RBMS3: variants seen among roughly 807,000 people sequenced by gnomAD.
The protein encoded by RBMS3 is RNA binding motif single stranded interacting protein 3, also known as RNA-binding motif, single-stranded-interacting protein 3.
Under a neutral mutation model 66.8 loss-of-function variants are expected in RBMS3, and 27 were observed. The observed-to-expected ratio is 0.40, with a 90% CI of 0.30 to 0.56. The LOEUF (loss-of-function observed/expected upper bound fraction) is 0.56. RBMS3 is among the 20% of genes least tolerant of loss of function. RBMS3 has a pLI of 0.40. For synonymous variants in RBMS3, 188 were observed against 183.0 expected (o/e 1.03, Z -0.22); for missense variants, 513 against 549.5 (o/e 0.93, Z 0.66).
chr3:29,722,209 A>AT (rs796728795), intron 4 of RBMS3, among the ~76,000 whole-genome samples: 18 of 152,072 alleles, frequency 1.2e-4, no homozygotes, highest in African/African-American at 4.1e-4. Flanking sequence ...TTTTCATGTT[A>AT]TTTTTTTGTA....
chr3:29,663,709 C>T (rs757624501), intron 4 of RBMS3, among the ~76,000 whole-genome samples: 6 of 152,122 alleles, frequency 3.9e-5, no homozygotes, highest in Non-Finnish European at 8.8e-5. Context: ...CACTGGGAGG[C>T]TCCTCGCAAT....
rs2125408961 is a variant in RBMS3 at position 30,005,322 on chromosome 3, C to G, written c.*1460C>G. Reference sequence around the variant, plus strand: ...GAAGAGTTCTGGATATGAACTGATTCATAGAGCCAAGTGGCTTTAAATTCT... The same window carrying G: ...GAAGAGTTCTGGATATGAACTGATTGATAGAGCCAAGTGGCTTTAAATTCT... On this transcript the variant is annotated 3_prime_UTR_variant, in exon 15 of 15. Transcript: ENST00000383767. 1 of 151,842 alleles carries G rather than the reference C, an allele frequency of 6.6e-6. No homozygotes were observed. Among genetic ancestry groups the G allele is most frequent in the African/African-American group, 2.4e-5 (1 of 41,474 alleles). The allele number at this position is 151,842 out of a possible 1,614,324, so 9.4% of individuals were successfully genotyped here.
At chr3:29,607,682 T>C (rs1251961718) in intron 4 of RBMS3, among the ~76,000 whole-genome samples, 8 of 151,902 alleles carry the variant, frequency 5.3e-5, no homozygotes, top group Admixed American at 5.3e-4. Context: ...AGAAAGAAAA[T>C]TTAAACATTT....
chr3:29,576,532 G>A (rs2047126982), intron 3 of RBMS3, among the ~76,000 whole-genome samples: 1 of 152,114 alleles, frequency 6.6e-6, no homozygotes, highest in Admixed American at 6.5e-5. Context: ...ATTTACAGGT[G>A]GAAAATCCAG....
intron 1 of RBMS3, among the ~76,000 whole-genome samples, chr3:29,282,476 G>T (rs1380231297): frequency 2.0e-5 from 3 of 151,954 alleles, no homozygotes; most frequent in Non-Finnish European, 4.4e-5. Flanking sequence ...AATACTTTAG[G>T]CTTTATGTGT....
At position 29,360,670 on chromosome 3, in the gene RBMS3, G is replaced by T. The variant is rs201692877; in HGVS notation, c.76-74073G>T. ...AGTGTTAAAGTCTGCCATTATTATT[G>T]TGTGGGAGTCTAAGTCTCTTTGTTG... On this transcript the variant is annotated intron_variant, in intron 1 of 14. Coordinates refer to ENST00000383767, the MANE Select transcript of RBMS3 (RefSeq NM_001003793.3). Among the ~76,000 whole-genome samples, 19 of 152,090 alleles carry T rather than the reference G, an allele frequency of 1.2e-4. No homozygotes were observed. In the East Asian group the frequency reaches 2.7e-3, roughly 22 times the overall value.
intron 4 of RBMS3, among the ~76,000 whole-genome samples, chr3:29,679,768 G>GTA (rs34934611): frequency 0.45 from 64,677 of 145,226 alleles, 14,325 homozygotes; most frequent in South Asian, 0.59. Flanking sequence ...CTACTTGACT[G>GTA]TATATATATA....
chr3:29,447,067 C>A (rs1575838413), intron 2 of RBMS3, among the ~76,000 whole-genome samples: 1 of 151,974 alleles, frequency 6.6e-6, no homozygotes, highest in South Asian at 2.1e-4. Flanking sequence ...CATCTGCCAC[C>A]ACACCTGGCT....
chr3:29,406,987 T>A lies in RBMS3; in HGVS notation c.76-27756T>A, dbSNP rs192330468. ...ACTTTGTGAGTTAGATTACTATTTT[T>A]AAGCTCATATTCATGAAACTTAGAT... On this transcript the variant is annotated intron_variant, in intron 1 of 14. Coordinates refer to ENST00000383767, the MANE Select transcript of RBMS3 (RefSeq NM_001003793.3). 4.0e-3 allele frequency among the ~76,000 whole-genome samples: 602 copies of A among 152,320 alleles called. 5 individuals carry two copies. The highest frequency in any genetic ancestry group is 0.014 in the African/African-American group (568 of 41,574).
chr3:29,586,919 A>G (rs1178927244), intron 3 of RBMS3, among the ~76,000 whole-genome samples, 195 bp from the exon 4 acceptor site: 1 of 152,112 alleles, frequency 6.6e-6, no homozygotes, highest in Non-Finnish European at 1.5e-5. Context: ...AAGAGTTACT[A>G]TTTTATGTCT....
chr3:29,931,660 T>G (rs942537671), intron 10 of RBMS3, among the ~76,000 whole-genome samples: 2 of 102,394 alleles, frequency 2.0e-5, no homozygotes, highest in Admixed American at 9.4e-5. Context: ...AACAAAACAG[T>G]TGACATCAAC....
At chr3:29,869,070 C>A in intron 7 of RBMS3, 106 bp downstream of exon 7, 4 of 858,108 alleles carry the variant, frequency 4.7e-6, no homozygotes, top group Non-Finnish European at 7.1e-6. Flanking sequence ...TCCCATGGAA[C>A]ACCCAATGTC....
chr3:29,601,443 T>A (rs901601428), intron 4 of RBMS3, among the ~76,000 whole-genome samples: 5 of 151,984 alleles, frequency 3.3e-5, no homozygotes, highest in Non-Finnish European at 7.4e-5. Context: ...TTATAAAGGT[T>A]TGAAACTTTT....
At chr3:29,653,483 G>A (rs1410002343) in intron 4 of RBMS3, among the ~76,000 whole-genome samples, 5 of 152,088 alleles carry the variant, frequency 3.3e-5, no homozygotes, top group Admixed American at 2.6e-4. Context: ...ATGTTTAACT[G>A]CCTAAGGCTA....
At chr3:29,298,972 C>A (rs899862833) in intron 1 of RBMS3, among the ~76,000 whole-genome samples, 1 of 151,732 alleles carries the variant, frequency 6.6e-6, no homozygotes, top group African/African-American at 2.4e-5. Flanking sequence ...TCTTGCCCCT[C>A]AGAAGTTGAT....
At chr3:29,444,788 CTTTTT>C (rs558839351) in intron 2 of RBMS3, among the ~76,000 whole-genome samples, 41 of 50,498 alleles carry the variant, frequency 8.1e-4, no homozygotes, top group East Asian at 4.6e-3. Flanking sequence ...AAATATATGC[CTTTTT>C]TTTTTTTTTT....
intron 6 of RBMS3, among the ~76,000 whole-genome samples, chr3:29,773,428 C>A (rs76549333): frequency 0.048 from 7,292 of 152,050 alleles, 246 homozygotes; most frequent in Admixed American, 0.08. Flanking sequence ...CCATATTATT[C>A]CTATAGCAAG....
At chr3:29,815,241 A>G (rs756458366) in intron 6 of RBMS3, among the ~76,000 whole-genome samples, 1 of 152,158 alleles carries the variant, frequency 6.6e-6, no homozygotes, top group Non-Finnish European at 1.5e-5. Flanking sequence ...CTACATTTCT[A>G]GGTTTCTTAT....
At chr3:29,386,390 G>A (rs560757977) in intron 1 of RBMS3, among the ~76,000 whole-genome samples, 3 of 151,860 alleles carry the variant, frequency 2.0e-5, no homozygotes, top group Admixed American at 1.3e-4. Context: ...TAAAAACAGA[G>A]AATCAATGGA....
Sources: gnomAD v4.1 joint callset for allele counts (sites outside exome capture counted in the v4.1 genomes callset) on GRCh38, gnomAD v4.1.1 for gene constraint, MANE v1.5 for transcripts, NCBI Gene and HGNC (gene_info 2026-07-23, HGNC 2026-07-21) for gene names.